The following COL10A1 variants were observed in gnomAD, a reference collection of about 807,000 sequenced individuals.
COL10A1 encodes collagen alpha-1(X) chain.
A neutral mutation model predicts 18.2 loss-of-function variants in COL10A1; 10 were observed. The observed-to-expected ratio is 0.55, with a 90% CI of 0.34 to 0.93. COL10A1 has a LOEUF of 0.93. Among genes scored for constraint, COL10A1 ranks in the 40% least tolerant of loss-of-function variants. The pLI, the probability that COL10A1 is intolerant of heterozygous loss-of-function variation, is 0.02. For missense variants in COL10A1, 897 were observed against 853.5 expected, an observed-to-expected ratio of 1.05 and a Z score of -0.64; for synonymous variants, 330 against 316.6, an observed-to-expected ratio of 1.04 and a Z score of -0.45.
At chr6:116,185,066 A>AT in the COL10A1 span, among the ~76,000 whole-genome samples, 1 of 152,002 alleles carries the variant, frequency 6.6e-6, no homozygotes, top group Non-Finnish European at 1.5e-5. Context: ...TTGTGTCACT[A>AT]TTATCATTAA....
rs1237282901 is a variant in COL10A1, at chr6:116,120,744, C to G, written c.1372G>C (p.Gly458Arg). 1.3e-6 allele frequency: 2 copies of G among 1,598,006 alleles called. No individual in the cohort carries two copies. The highest frequency in any genetic ancestry group is 3.5e-5 in the Admixed American group (2 of 56,740). ...TTAGACCCAGGGAATCCTGGAATGC[C>G]TGGTGGCCCAATAGGGCCTCTAGTA... ...PGTRGPIGPP[G>R]IPGFPGSKGD... Residue 458 changes from glycine to arginine, a missense_variant, in exon 3 of 3, where the codon GGC becomes CGC. By Grantham distance (125) the Gly-to-Arg change is moderately radical. Coordinates refer to ENST00000651968, the MANE Select transcript of COL10A1 (RefSeq NM_000493.4).
the COL10A1 span, among the ~76,000 whole-genome samples, chr6:116,210,974 C>T: frequency 6.6e-6 from 1 of 151,990 alleles, no homozygotes; most frequent in Non-Finnish European, 1.5e-5. Context: ...TTTTCTTCTC[C>T]TTGAAAATGA....
chr6:116,215,173 C>A, the COL10A1 span, among the ~76,000 whole-genome samples: 1 of 152,014 alleles, frequency 6.6e-6, no homozygotes, highest in African/African-American at 2.4e-5. Flanking sequence ...TTGGATAATA[C>A]GGAGCACATG....
At chr6:116,162,668 C>A (rs1419139468), upstream of COL10A1, among the ~76,000 whole-genome samples, 1 of 152,076 alleles carries the variant, frequency 6.6e-6, no homozygotes, top group African/African-American at 2.4e-5. Context: ...CTGTTGGATT[C>A]AGTTTGCTAG....
At chr6:116,152,049 C>T (rs1274093445) in intron 1 of COL10A1, among the ~76,000 whole-genome samples, 2 of 152,144 alleles carry the variant, frequency 1.3e-5, no homozygotes, top group Non-Finnish European at 2.9e-5. Flanking sequence ...GATTTCACTA[C>T]ATTCTTCCTT....
chr6:116,211,451 A>G, the COL10A1 span, among the ~76,000 whole-genome samples: 1 of 152,086 alleles, frequency 6.6e-6, no homozygotes, highest in African/African-American at 2.4e-5. Context: ...CAATAATTTA[A>G]TCTCTTTAAA....
At chr6:116,159,364 A>G (rs963573898), upstream of COL10A1, among the ~76,000 whole-genome samples, 1 of 152,190 alleles carries the variant, frequency 6.6e-6, no homozygotes, top group Non-Finnish European at 1.5e-5. Context: ...TTTAATTCAC[A>G]TGCTTTATCC....
In COL10A1 at chr6:116,120,682, A is replaced by T. The variant is rs1458723567; in HGVS notation, c.1434T>A (p.Ala478=). The change falls in exon 3 of 3, where the codon GCT becomes GCA. Residue 478 remains alanine, a synonymous_variant. Transcript: ENST00000651968. ...DPGSPGPPGP[A]GIATKGLNGP... is the part of the protein sequence containing the mutation. ...CATTGAGGCCCTTAGTTGCTATGCC[A>T]GCTGGGCCAGGAGGACCGGGACTTC... The T allele has an allele frequency of 1.9e-6, 3 of 1,546,896 alleles. No homozygotes were observed. Among genetic ancestry groups the T allele is most frequent in the Non-Finnish European group, 2.6e-6 (3 of 1,154,180 alleles).
At chr6:116,170,027 C>A in the COL10A1 span, among the ~76,000 whole-genome samples, 1 of 152,250 alleles carries the variant, frequency 6.6e-6, no homozygotes, top group East Asian at 1.9e-4. Context: ...AGTTAATTGG[C>A]CATGGGATTA....
At chr6:116,194,490 A>G in the COL10A1 span, among the ~76,000 whole-genome samples, 2 of 152,022 alleles carry the variant, frequency 1.3e-5, no homozygotes, top group African/African-American at 4.8e-5. Context: ...AGAATCACTA[A>G]TAGCCTATTT....
rs117024361 is a variant in COL10A1 at position 116,124,887 on chromosome 6, G to T, written c.154+452C>A. ...CCATCAGATTTTTTTGATAAGACTCGGTTTTATATCTGTTTGTGGGCTAGT... is the reference window on the plus strand; with the variant it reads ...CCATCAGATTTTTTTGATAAGACTCTGTTTTATATCTGTTTGTGGGCTAGT... On this transcript the variant is annotated intron_variant, in intron 2 of 2. Transcript: ENST00000651968. Among the ~76,000 whole-genome samples the T allele has an allele frequency of 2.9e-3, 441 of 152,160 alleles. 2 individuals are homozygous for T. The highest frequency in any genetic ancestry group is 4.7e-3 in the Non-Finnish European group (317 of 67,986).
Position 116,120,617 on chromosome 6 carries a change from T to C in COL10A1, c.1499A>G (p.His500Arg). 2 of 1,564,338 alleles carry C rather than the reference T, an allele frequency of 1.3e-6. No homozygotes were observed. Among genetic ancestry groups the C allele is most frequent in the Non-Finnish European group, 1.7e-6 (2 of 1,161,688 alleles). ...CCCTGGAAGACCAGGCTCTCCAGAGTGGCCTCTTGGACCTGGAGGCCCTGG... is the reference window on the plus strand; with the variant it reads ...CCCTGGAAGACCAGGCTCTCCAGAGCGGCCTCTTGGACCTGGAGGCCCTGG... ...GPPGPPGPRG[H>R]SGEPGLPGPP... Residue 500 changes from histidine to arginine, a missense_variant, in exon 3 of 3, where the codon CAC becomes CGC. By Grantham distance (29) the His-to-Arg change is conservative. Transcript: ENST00000651968.
chr6:116,206,936 GT>G, the COL10A1 span, among the ~76,000 whole-genome samples: 1 of 151,832 alleles, frequency 6.6e-6, no homozygotes, highest in Non-Finnish European at 1.5e-5. Flanking sequence ...GATTTTAAAT[GT>G]TTTCTTCTTG....
At chr6:116,155,922 T>C (rs889050113) in intron 1 of COL10A1, among the ~76,000 whole-genome samples, 1 of 152,108 alleles carries the variant, frequency 6.6e-6, no homozygotes, top group Admixed American at 6.6e-5. Context: ...TGGGAGAATT[T>C]ACAAGAGACA....
chr6:116,156,471 C>T (rs1052544191), intron 1 of COL10A1, among the ~76,000 whole-genome samples: 2 of 152,154 alleles, frequency 1.3e-5, no homozygotes, highest in African/African-American at 4.8e-5. Flanking sequence ...TAAGGGATTA[C>T]TATGCTGTGT....
Position 116,146,762 on chromosome 6 carries a change from G to T in COL10A1, c.-16+11852C>A, listed in dbSNP as rs557078393. Among the ~76,000 whole-genome samples, 24 of 152,034 alleles carry T rather than the reference G, an allele frequency of 1.6e-4. 1 individual carries two copies. The South Asian group carries it at 5.0e-3, about 32-fold the overall frequency. On this transcript the variant is annotated intron_variant, in intron 1 of 1. Coordinates refer to the COL10A1 transcript ENST00000418500. ...GAAAGTTCAGAAATAGACCCAAAAA[G>T]ACTGGGAAATTTAATGTATGAAAAA...
At chr6:116,154,769 C>G (rs1225259048) in intron 1 of COL10A1, among the ~76,000 whole-genome samples, 1 of 152,162 alleles carries the variant, frequency 6.6e-6, no homozygotes, top group Admixed American at 6.5e-5. Context: ...AAAAACAAAG[C>G]ACCGTTTGAT....
chr6:116,136,316 G>A (rs1356998365), intron 1 of COL10A1, among the ~76,000 whole-genome samples: 1 of 151,950 alleles, frequency 6.6e-6, no homozygotes, highest in Non-Finnish European at 1.5e-5. Flanking sequence ...GTGTATGTAT[G>A]TAATATGCAC....
the COL10A1 span, among the ~76,000 whole-genome samples, chr6:116,200,474 GA>G: frequency 6.6e-6 from 1 of 151,934 alleles, no homozygotes; most frequent in Non-Finnish European, 1.5e-5. Context: ...TATTGATAGG[GA>G]AATTGAGTGT....
Sources: allele counts gnomAD v4.1 joint callset (sites outside exome capture counted in the v4.1 genomes callset), GRCh38; gene constraint gnomAD v4.1.1; transcripts MANE v1.5; gene names NCBI Gene and HGNC (gene_info 2026-07-23, HGNC 2026-07-21).